ANGEL1: variants seen among roughly 807,000 people sequenced by gnomAD.
ANGEL1 encodes the protein RNA 2',3'-cyclic phosphatase ANGEL1.
A neutral mutation model predicts 76.4 loss-of-function variants in ANGEL1; 62 were observed. The observed-to-expected ratio is 0.81, with a 90% CI of 0.66 to 1.00. The LOEUF is 1.00. Ranked by LOEUF, ANGEL1 falls within the 50% of genes least tolerant of loss-of-function variation. The pLI, the probability that ANGEL1 is intolerant of heterozygous loss-of-function variation, is 0.00. For synonymous variants in ANGEL1, 340 were observed against 331.7 expected, an observed-to-expected ratio of 1.03 and a Z score of -0.27; for missense variants, 737 against 836.7, an observed-to-expected ratio of 0.88 and a Z score of 1.47.
Position 76,789,028 on chromosome 14 carries a change from C to T in ANGEL1, c.*200G>A. 1.5e-6 allele frequency: 1 copy of T among 657,120 alleles called. No individual in the cohort carries two copies. Among genetic ancestry groups the T allele is most frequent in the Non-Finnish European group, 2.6e-6 (1 of 392,116 alleles). The allele number at this position is 657,120 out of a possible 1,614,324, so 40.7% of individuals were successfully genotyped here. A position where few individuals can be genotyped will look rare whatever the true frequency, so the allele number is the denominator to read the frequency against. ...TGTGTGGCACAGGATTAGGAAGAGG[C>T]TGGGGTGGGGCAAGGACCACAGGCA... On this transcript the variant is annotated 3_prime_UTR_variant, in exon 10 of 10. Transcript: ENST00000251089.
At chr14:76,793,876 TAAC>T (rs998460176) in intron 7 of ANGEL1, among the ~76,000 whole-genome samples, 10 of 152,274 alleles carry the variant, frequency 6.6e-5, no homozygotes, top group African/African-American at 2.4e-4. Context: ...AGAAAAATTA[TAAC>T]AATATATTGT....
Position 76,786,911 on chromosome 14 carries a change from T to C in ANGEL1, c.*2317A>G, listed in dbSNP as rs1382032514. On this transcript the variant is annotated 3_prime_UTR_variant, in exon 10 of 10. Coordinates refer to ENST00000251089, the MANE Select transcript of ANGEL1 (RefSeq NM_015305.4). ...GACCCTCCTGAAGTGCAGAAGATAC[T>C]AGGAGGAGGCATGGGGGGAGCAGAT... The C allele has an allele frequency of 6.6e-6, 1 of 152,220 alleles. No homozygotes were observed. The highest frequency in any genetic ancestry group is 1.5e-5 in the Non-Finnish European group (1 of 68,088). 9.4% of individuals were successfully genotyped at this position (152,220 alleles called of 1,614,324 possible).
intron 1 of ANGEL1, chr14:76,810,020 T>C (rs1426247533): frequency 2.8e-6 from 1 of 362,562 alleles, no homozygotes; most frequent in Non-Finnish European, 5.4e-6. Context: ...CACATTACAT[T>C]GCAACCAGCA....
chr14:76,794,830 T>C (rs1192333632), intron 7 of ANGEL1, among the ~76,000 whole-genome samples: 1 of 152,180 alleles, frequency 6.6e-6, no homozygotes, highest in Non-Finnish European at 1.5e-5. Flanking sequence ...ACTACTAAGT[T>C]CTGCACATTA....
Position 76,808,165 on chromosome 14 carries a change from G to A in ANGEL1, c.650-17C>T. ...ACAAAATTTCTGCAAAGGATTGGGAGAAGCACTCAATGGCAAGTATGAGTA... is the reference window on the plus strand; with the variant it reads ...ACAAAATTTCTGCAAAGGATTGGGAAAAGCACTCAATGGCAAGTATGAGTA... On this transcript the variant is annotated splice_polypyrimidine_tract_variant and intron_variant, in intron 2 of 9. Coordinates refer to ENST00000251089, the MANE Select transcript of ANGEL1 (RefSeq NM_015305.4). 6.2e-7 allele frequency: 1 copy of A among 1,608,908 alleles called. No individual in the cohort carries two copies. Among genetic ancestry groups the A allele is most frequent in the African/African-American group, 1.3e-5 (1 of 74,956 alleles).
intron 7 of ANGEL1, among the ~76,000 whole-genome samples, chr14:76,800,860 C>T (rs542012720): frequency 1.3e-4 from 19 of 151,970 alleles, no homozygotes; most frequent in Non-Finnish European, 2.4e-4. Flanking sequence ...AGAGCCCCAG[C>T]TATTGGGGAG....
chr14:76,799,704 G>A (rs1035431710), intron 7 of ANGEL1, among the ~76,000 whole-genome samples: 3 of 152,044 alleles, frequency 2.0e-5, no homozygotes, highest in South Asian at 2.1e-4. Flanking sequence ...TCAAGAGTTC[G>A]GGACCAGCCT....
At chr14:76,810,686 C>T (rs935677975) in intron 1 of ANGEL1, among the ~76,000 whole-genome samples, 36 of 152,310 alleles carry the variant, frequency 2.4e-4, no homozygotes, top group African/African-American at 7.7e-4. Context: ...CACAACACAT[C>T]AGAGGCTATA....
intron 4 of ANGEL1, 72 bp downstream of exon 4, chr14:76,807,361 T>C (rs1348645180): frequency 6.9e-7 from 1 of 1,441,804 alleles, no homozygotes; most frequent in Non-Finnish European, 9.6e-7. Context: ...AAGGAAAGGA[T>C]GGGGTCTTCA....
chr14:76,794,762 TAC>T (rs34601751), intron 7 of ANGEL1, among the ~76,000 whole-genome samples: 63,981 of 151,628 alleles, frequency 0.42, 13,763 homozygotes, highest in Middle Eastern at 0.49. Flanking sequence ...TTGTTGCTCT[TAC>T]ACAGTGTATT....
In ANGEL1 at chr14:76,806,653, G is replaced by A. The variant is rs755496848; in HGVS notation, c.1143C>T (p.Val381=). The A allele has an allele frequency of 3.7e-6, 6 of 1,614,048 alleles. No individual in the cohort carries two copies. Among genetic ancestry groups the A allele is most frequent in the Non-Finnish European group, 5.1e-6 (6 of 1,180,042 alleles). ...TTGCCACACACAGCGGGGCCACCGA[G>A]ACTTGTCCCAGGCCTTCTGGGACGA... ...QPLVPEGLGQ[V]SVAPLCVANT... Residue 381 remains valine, a synonymous_variant, in exon 5 of 10, where the codon GTC becomes GTT. Transcript: ENST00000251089.
At chr14:76,800,231 T>C (rs1185525403) in intron 7 of ANGEL1, among the ~76,000 whole-genome samples, 1 of 152,230 alleles carries the variant, frequency 6.6e-6, no homozygotes, top group Non-Finnish European at 1.5e-5. Context: ...TATGAAATTA[T>C]CTAAGTGAGA....
intron 7 of ANGEL1, among the ~76,000 whole-genome samples, chr14:76,800,255 T>C (rs2140220172): frequency 6.6e-6 from 1 of 152,340 alleles, no homozygotes; most frequent in East Asian, 1.9e-4. Flanking sequence ...TGTTACTGTT[T>C]TTATAATCCT....
At position 76,806,536 on chromosome 14, in the gene ANGEL1, C is replaced by T; in HGVS notation, c.1260G>A (p.Leu420=). The T allele has an allele frequency of 6.2e-7, 1 of 1,614,214 alleles. No homozygotes were observed. The highest frequency in any genetic ancestry group is 8.5e-7 in the Non-Finnish European group (1 of 1,180,030). The change falls in exon 5 of 10, where the codon CTG becomes CTA. Residue 420 remains leucine, a synonymous_variant. Transcript: ENST00000251089. ...LLAEVDKVAR[L]SDGSHCPIIL... is the part of the protein sequence containing the mutation. ...TGATGGGGCAGTGGCTGCCATCTGA[C>T]AGTCTGGCCACCTTGTCCACTTCCG...
chr14:76,808,235 G>T, intron 2 of ANGEL1, 87 bp from the exon 3 acceptor site: 3 of 1,145,912 alleles, frequency 2.6e-6, no homozygotes, highest in Non-Finnish European at 2.5e-6. Context: ...GTAATATTAT[G>T]CCTGAAGTTC....
At chr14:76,811,805 G>T (rs1895095319) in intron 1 of ANGEL1, among the ~76,000 whole-genome samples, 1 of 152,096 alleles carries the variant, frequency 6.6e-6, no homozygotes, top group Admixed American at 6.5e-5. Flanking sequence ...GTGGCCCTGC[G>T]CTCCTGAAGT....
intron 7 of ANGEL1, among the ~76,000 whole-genome samples, chr14:76,794,766 CA>C (rs1251111631): frequency 1.5e-4 from 22 of 144,320 alleles, no homozygotes; most frequent in Non-Finnish European, 2.6e-4. Flanking sequence ...TGCTCTTACA[CA>C]GTGTATTTTT....
rs773616165 is a variant in ANGEL1 at position 76,812,787 on chromosome 14, G to T, written c.41C>A (p.Thr14Lys). ...SCLCYLLLPA[T>K]RLFRALSDAF... ...ACCTGAGAGGGCGCGGAAGAGGCGC[G>T]TGGCCGGCAGCAGCAGGTAACACAA... Residue 14 changes from threonine (T) to lysine (K), a missense_variant, in exon 1 of 10, where the codon ACG becomes AAG. Coordinates refer to ENST00000251089, the MANE Select transcript of ANGEL1 (RefSeq NM_015305.4). 3.2e-5 allele frequency: 49 copies of T among 1,521,790 alleles called. No homozygotes were observed. The Admixed American group carries it at 9.3e-4, about 29-fold the overall frequency. The allele number at this position is 1,521,790 out of a possible 1,614,324, so 94.3% of individuals were successfully genotyped here. A position where few individuals can be genotyped will look rare whatever the true frequency, so the allele number is the denominator to read the frequency against.
chr14:76,810,281 TACGGTGGC>T (rs1895045196), intron 1 of ANGEL1: 2 of 452,322 alleles, frequency 4.4e-6, no homozygotes, highest in Non-Finnish European at 8.9e-6. Context: ...ATTAGCCAAG[TACGGTGGC>T]ACATGCCCAT....
Sources: allele counts gnomAD v4.1 joint callset (sites outside exome capture counted in the v4.1 genomes callset), GRCh38; gene constraint gnomAD v4.1.1; transcripts MANE v1.5; gene names NCBI Gene and HGNC (gene_info 2026-07-23, HGNC 2026-07-21).